The following PDE10A variants were observed in gnomAD, a reference collection of about 807,000 sequenced individuals.
PDE10A encodes the protein cAMP and cAMP-inhibited cGMP 3',5'-cyclic phosphodiesterase 10A.
In PDE10A, 39 loss-of-function variants were observed where a neutral mutation model predicts 97.7. The ratio of observed to expected loss-of-function variants is 0.40; its 90% CI spans 0.31 to 0.52. PDE10A has a LOEUF of 0.52. Ranked by LOEUF, PDE10A falls within the 20% of genes least tolerant of loss-of-function variation. The pLI is 0.56. For synonymous variants in PDE10A, 371 were observed against 376.8 expected, an observed-to-expected ratio of 0.98 and a Z score of 0.18; for missense variants, 731 against 1,047.8, an observed-to-expected ratio of 0.70 and a Z score of 4.17.
chr6:165,585,829 G>A (rs1487913765), intron 1 of PDE10A, among the ~76,000 whole-genome samples: 2 of 152,166 alleles, frequency 1.3e-5, no homozygotes, highest in African/African-American at 4.8e-5. Context: ...TGAGGAATGC[G>A]AGCCTGTTGT....
chr6:165,627,591 G>A (rs964287046), intron 1 of PDE10A, among the ~76,000 whole-genome samples: 1 of 152,196 alleles, frequency 6.6e-6, no homozygotes, highest in African/African-American at 2.4e-5. Context: ...TGACTTGGGG[G>A]AAGAGGGACA....
intron 3 of PDE10A, among the ~76,000 whole-genome samples, chr6:165,458,271 C>A (rs114651427): frequency 0.011 from 1,645 of 152,204 alleles, 22 homozygotes; most frequent in African/African-American, 0.038. Flanking sequence ...TCTGTCTCCC[C>A]CTAAAATTCC....
rs1382129209 is a variant in PDE10A at position 165,831,294 on chromosome 6, C to T, written c.-615+156235G>A. Among the ~76,000 whole-genome samples the T allele has an allele frequency of 4.2e-5, 6 of 143,224 alleles. No individual in the cohort carries two copies. In the East Asian group the frequency reaches 1.3e-3, roughly 30 times the overall value. The allele number at this position is 143,224 out of a possible 152,430, so 94.0% of individuals were successfully genotyped here. A position where few individuals can be genotyped will look rare whatever the true frequency, so the allele number is the denominator to read the frequency against. On this transcript the variant is annotated intron_variant, in intron 1 of 19. Transcript: ENST00000366882. ...GGCTGAGGCAGGAGAATGGTGTGAA[C>T]CCAGGAGGTGGAGCTTGCAGTAAGC...
chr6:165,693,528 CAAAAA>C (rs55830575), intron 1 of PDE10A, among the ~76,000 whole-genome samples: 113 of 56,754 alleles, frequency 2.0e-3, no homozygotes, highest in Non-Finnish European at 2.8e-3. Flanking sequence ...GAGGCTCCAC[CAAAAA>C]AAAAAAAAAA....
At chr6:165,466,308 C>A (rs1302275610) in intron 3 of PDE10A, among the ~76,000 whole-genome samples, 2 of 152,142 alleles carry the variant, frequency 1.3e-5, no homozygotes, top group African/African-American at 2.4e-5. Context: ...CTGACTGATA[C>A]AGCAAACATT....
chr6:165,905,959 T>A lies in PDE10A; in HGVS notation c.-615+81570A>T, dbSNP rs9459524. Among the ~76,000 whole-genome samples the A allele has an allele frequency of 3.1e-4, 45 of 146,022 alleles. No individual in the cohort carries two copies. The South Asian group carries it at 0.01, about 33-fold the overall frequency. On this transcript the variant is annotated intron_variant, in intron 1 of 19. Transcript: ENST00000366882. ...AACAATTTTTTTCCTTCTTTCTTTG[T>A]TCCTTTTTACCTTCCCTTTTTCTCC...
At chr6:165,572,303 A>T (rs1425306001) in intron 1 of PDE10A, among the ~76,000 whole-genome samples, 1 of 152,248 alleles carries the variant, frequency 6.6e-6, no homozygotes, top group African/African-American at 2.4e-5. Context: ...ACTGAAATAC[A>T]TCACTTAACA....
chr6:165,370,112 C>T (rs778569071), intron 18 of PDE10A, among the ~76,000 whole-genome samples: 15 of 151,976 alleles, frequency 9.9e-5, no homozygotes, highest in Non-Finnish European at 1.6e-4. Context: ...CCGGTACAGC[C>T]GCTGCAAAAT....
chr6:165,395,535 A>C (rs928290982), intron 14 of PDE10A, among the ~76,000 whole-genome samples: 5 of 152,212 alleles, frequency 3.3e-5, no homozygotes, highest in African/African-American at 1.2e-4. Flanking sequence ...TCAGAGAAAT[A>C]AAAAGTACAA....
chr6:165,772,063 A>C (rs1254559177), intron 1 of PDE10A, among the ~76,000 whole-genome samples: 1 of 152,186 alleles, frequency 6.6e-6, no homozygotes, highest in Non-Finnish European at 1.5e-5. Context: ...TCTTTAAAAG[A>C]TTCACCTTAA....
chr6:165,505,570 G>T (rs1351491300), intron 2 of PDE10A, among the ~76,000 whole-genome samples: 1 of 152,148 alleles, frequency 6.6e-6, no homozygotes, highest in African/African-American at 2.4e-5. Flanking sequence ...CCTGAGTTCT[G>T]CATAAAAATG....
intron 1 of PDE10A, among the ~76,000 whole-genome samples, chr6:165,614,697 G>A (rs1277923180): frequency 6.6e-6 from 1 of 152,134 alleles, no homozygotes; most frequent in Non-Finnish European, 1.5e-5. Flanking sequence ...GCATCTAGCA[G>A]AGTTCTTGGC....
At chr6:165,774,070 T>C (rs574454169) in intron 1 of PDE10A, among the ~76,000 whole-genome samples, 1 of 152,264 alleles carries the variant, frequency 6.6e-6, no homozygotes, top group South Asian at 2.1e-4. Context: ...CTAGCCTCTT[T>C]AAGAAGCCCC....
At chr6:165,676,663 C>T (rs572048940) in intron 1 of PDE10A, among the ~76,000 whole-genome samples, 240 of 152,304 alleles carry the variant, frequency 1.6e-3, no homozygotes, top group African/African-American at 5.4e-3. Flanking sequence ...ACCCGGCCAG[C>T]TCACGGGCTG....
At chr6:165,884,152 C>T (rs1042299283) in intron 1 of PDE10A, among the ~76,000 whole-genome samples, 2 of 152,034 alleles carry the variant, frequency 1.3e-5, no homozygotes, top group African/African-American at 2.4e-5. Context: ...AATCGGGGAC[C>T]GAAGGAAGAG....
At chr6:165,813,408 C>T (rs1244040909) in intron 1 of PDE10A, among the ~76,000 whole-genome samples, 4 of 147,798 alleles carry the variant, frequency 2.7e-5, no homozygotes, top group South Asian at 4.4e-4. Context: ...GACATGGAGA[C>T]GTGACCGTCT....
At chr6:165,543,890 G>C (rs1312031562) in intron 1 of PDE10A, among the ~76,000 whole-genome samples, 3 of 151,994 alleles carry the variant, frequency 2.0e-5, no homozygotes, top group African/African-American at 7.3e-5. Context: ...GTGTGTGTGT[G>C]TATGACCACA....
At chr6:165,808,442 C>A (rs117923787) in intron 1 of PDE10A, among the ~76,000 whole-genome samples, 1 of 152,294 alleles carries the variant, frequency 6.6e-6, no homozygotes, top group Non-Finnish European at 1.5e-5. Context: ...GACCTGGGAC[C>A]AGCCCTAATT....
chr6:165,525,176 A>G (rs894177068), intron 2 of PDE10A, among the ~76,000 whole-genome samples: 2 of 152,160 alleles, frequency 1.3e-5, no homozygotes, highest in African/African-American at 4.8e-5. Context: ...GAGGAGGTGC[A>G]CTACACTTGA....
Sources: allele counts gnomAD v4.1 joint callset (sites outside exome capture counted in the v4.1 genomes callset), GRCh38; gene constraint gnomAD v4.1.1; transcripts MANE v1.5; gene names NCBI Gene and HGNC (gene_info 2026-07-23, HGNC 2026-07-21).